The following EHBP1 variants were observed in gnomAD, a reference collection of about 807,000 sequenced individuals.
The protein encoded by EHBP1 is EH domain binding protein 1.
Under a neutral mutation model 144.0 loss-of-function variants are expected in EHBP1, and 55 were observed. The ratio of observed to expected loss-of-function variants is 0.38; its 90% CI spans 0.31 to 0.48. The LOEUF is 0.48. Ranked by LOEUF, EHBP1 falls within the 20% of genes least tolerant of loss-of-function variation. The pLI is 0.98. For missense variants in EHBP1, 1,200 were observed against 1,364.2 expected (o/e 0.88, Z 1.90); for synonymous variants, 469 against 472.7 (o/e 0.99, Z 0.10).
chr2:62,737,773 T>G (rs539936381), intron 2 of EHBP1, among the ~76,000 whole-genome samples: 2 of 152,008 alleles, frequency 1.3e-5, no homozygotes, highest in East Asian at 1.9e-4. Context: ...AAAAAAGAGT[T>G]TTTTTTTAGA....
intron 9 of EHBP1, among the ~76,000 whole-genome samples, chr2:62,873,514 A>T (rs531457942): frequency 2.4e-4 from 37 of 152,242 alleles, no homozygotes; most frequent in African/African-American, 8.2e-4. Context: ...ATCTAATAAG[A>T]TATTTCAAAG....
In EHBP1 at chr2:62,948,883, T is replaced by A; in HGVS notation, c.2037T>A (p.Ile679=). The change falls in exon 13 of 23, where the codon ATT becomes ATA. Residue 679 remains isoleucine, a synonymous_variant. Coordinates refer to ENST00000431489, the MANE Select transcript of EHBP1 (RefSeq NM_001142616.3). ...AGAAGGATATGTCTCCACCCTTTAT[T>A]TGTGAGGAGACAGATGAACAAAAGC... is the stretch of plus-strand genomic sequence containing the variant. ...DKKKDMSPPF[I]CEETDEQKLQ... is the part of the protein sequence containing the mutation. 6.2e-7 allele frequency: 1 copy of A among 1,613,952 alleles called. No individual in the cohort carries two copies. Among genetic ancestry groups the A allele is most frequent in the South Asian group, 1.1e-5 (1 of 91,060 alleles).
chr2:62,897,487 A>G (rs2053034620), intron 10 of EHBP1, among the ~76,000 whole-genome samples: 1 of 152,196 alleles, frequency 6.6e-6, no homozygotes, highest in South Asian at 2.1e-4. Context: ...TGTAATTTTG[A>G]TAGTCATTGT....
At chr2:62,991,086 A>G (rs1463259046) in intron 16 of EHBP1, among the ~76,000 whole-genome samples, 1 of 152,014 alleles carries the variant, frequency 6.6e-6, no homozygotes, top group East Asian at 1.9e-4. Flanking sequence ...TGCTACTAAA[A>G]GTAAAACAAT....
intron 14 of EHBP1, among the ~76,000 whole-genome samples, chr2:62,968,504 A>G (rs2058346892): frequency 6.6e-6 from 1 of 152,222 alleles, no homozygotes; most frequent in African/African-American, 2.4e-5. Flanking sequence ...AGTGAAAAAT[A>G]TCACAATATA....
intron 12 of EHBP1, 45 bp from the exon 13 acceptor site, chr2:62,948,215 T>C (rs373925139): frequency 6.8e-7 from 1 of 1,465,752 alleles, no homozygotes; most frequent in African/African-American, 1.4e-5. Context: ...ATGTGTGAAT[T>C]ATATGAACTG....
intron 21 of EHBP1, chr2:63,044,319 TC>T (rs1358099667): frequency 6.6e-6 from 1 of 150,714 alleles, no homozygotes; most frequent in Non-Finnish European, 1.5e-5. Context: ...CATCGGGTTT[TC>T]CAACCTTTAA....
intron 14 of EHBP1, among the ~76,000 whole-genome samples, chr2:62,959,952 A>G (rs2057913087): frequency 6.6e-6 from 1 of 152,186 alleles, no homozygotes; most frequent in Non-Finnish European, 1.5e-5. Context: ...TGCATGGGAC[A>G]ATGTCCATGT....
At chr2:62,991,560 A>G (rs1178422506) in intron 16 of EHBP1, among the ~76,000 whole-genome samples, 1 of 152,250 alleles carries the variant, frequency 6.6e-6, no homozygotes, top group Non-Finnish European at 1.5e-5. Flanking sequence ...GTGATTGAAT[A>G]TAAATGTTTA....
At chr2:62,904,496 T>G (rs1300015180) in intron 10 of EHBP1, among the ~76,000 whole-genome samples, 1 of 152,118 alleles carries the variant, frequency 6.6e-6, no homozygotes, top group African/African-American at 2.4e-5. Context: ...ATGAGTTAGG[T>G]GTCAGCCAGG....
chr2:62,798,946 G>A (rs1368914533), intron 5 of EHBP1, among the ~76,000 whole-genome samples: 2 of 145,816 alleles, frequency 1.4e-5, no homozygotes, highest in African/African-American at 2.5e-5. Context: ...GGAGCTTGCA[G>A]TGAGCCGAGA....
At chr2:63,015,711 C>A (rs1445177823) in intron 19 of EHBP1, among the ~76,000 whole-genome samples, 1 of 151,890 alleles carries the variant, frequency 6.6e-6, no homozygotes. Flanking sequence ...AGAAAAGAGA[C>A]CATGTCATTA....
At chr2:63,024,601 CAA>C (rs35534053) in intron 19 of EHBP1, among the ~76,000 whole-genome samples, 18,688 of 107,630 alleles carry the variant, frequency 0.17, 1,255 homozygotes, top group African/African-American at 0.2. Context: ...GACCCTGTCT[CAA>C]AAAAAAAAAA....
intron 10 of EHBP1, among the ~76,000 whole-genome samples, chr2:62,916,896 T>G (rs2054663926): frequency 3.3e-5 from 5 of 151,254 alleles, no homozygotes; most frequent in Non-Finnish European, 7.4e-5. Context: ...ATTTAATAGC[T>G]ATTACAATAT....
intron 1 of EHBP1, among the ~76,000 whole-genome samples, chr2:62,679,432 G>T (rs770470016): frequency 7.3e-5 from 11 of 151,598 alleles, no homozygotes; most frequent in Non-Finnish European, 1.6e-4. Flanking sequence ...ATTAATTTTA[G>T]CACTTTTTTG....
intron 7 of EHBP1, among the ~76,000 whole-genome samples, chr2:62,837,758 G>C (rs984864913): frequency 2.0e-5 from 3 of 151,952 alleles, no homozygotes; most frequent in African/African-American, 2.4e-5. Flanking sequence ...ATTACATAAT[G>C]GTAAAGGGAT....
chr2:62,981,137 C>A (rs1185773003), intron 15 of EHBP1, among the ~76,000 whole-genome samples: 1 of 151,124 alleles, frequency 6.6e-6, no homozygotes, highest in African/African-American at 2.4e-5. Context: ...AGCTATCATG[C>A]AGGATTTTTA....
At chr2:62,976,384 T>C (rs758061460) in intron 14 of EHBP1, among the ~76,000 whole-genome samples, 112 of 152,210 alleles carry the variant, frequency 7.4e-4, no homozygotes, top group Non-Finnish European at 1.4e-3. Context: ...TTGTCCCTAA[T>C]GATATGTCAC....
At chr2:62,725,317 G>A (rs527717815) in intron 2 of EHBP1, among the ~76,000 whole-genome samples, 3 of 152,348 alleles carry the variant, frequency 2.0e-5, no homozygotes, top group Admixed American at 1.3e-4. Flanking sequence ...GTGGTGGAGT[G>A]TATGCTCATT....
Sources: gnomAD v4.1 joint callset for allele counts (sites outside exome capture counted in the v4.1 genomes callset) on GRCh38, gnomAD v4.1.1 for gene constraint, MANE v1.5 for transcripts, NCBI Gene and HGNC (gene_info 2026-07-23, HGNC 2026-07-21) for gene names.